Variants in SYT1 observed in about 807,000 individuals in gnomAD.
SYT1 encodes synaptotagmin 1, also known as synaptotagmin-1.
Under a neutral mutation model 44.8 loss-of-function variants are expected in SYT1, and 8 were observed. The observed-to-expected ratio is 0.18, with a 90% CI of 0.10 to 0.32. The LOEUF is 0.32. Among genes scored for constraint, SYT1 ranks in the 10% least tolerant of loss-of-function variants. The pLI, the probability that SYT1 is intolerant of heterozygous loss-of-function variation, is 1.00. For missense variants in SYT1, 286 were observed against 509.3 expected, an observed-to-expected ratio of 0.56 and a Z score of 4.22; for synonymous variants, 154 against 188.8, an observed-to-expected ratio of 0.82 and a Z score of 1.51.
At chr12:78,877,992 T>G (rs1874264729) in intron 1 of SYT1, among the ~76,000 whole-genome samples, 1 of 151,816 alleles carries the variant, frequency 6.6e-6, no homozygotes, top group South Asian at 2.1e-4. Context: ...TATAATCCAT[T>G]ATTTTTAAGT....
chr12:79,204,774 G>A (rs1353272961), intron 3 of SYT1, among the ~76,000 whole-genome samples: 1 of 104,374 alleles, frequency 9.6e-6, no homozygotes, highest in African/African-American at 3.8e-5. Context: ...TGCTCCTGTT[G>A]TAACTTTTTT....
intron 3 of SYT1, among the ~76,000 whole-genome samples, chr12:79,156,344 G>T (rs1870590430): frequency 6.6e-6 from 1 of 152,128 alleles, no homozygotes; most frequent in Non-Finnish European, 1.5e-5. Context: ...CTGTGTATGT[G>T]TGTAACCCTT....
intron 3 of SYT1, among the ~76,000 whole-genome samples, chr12:79,210,555 A>G (rs551015988): frequency 6.6e-6 from 1 of 152,314 alleles, no homozygotes; most frequent in African/African-American, 2.4e-5. Flanking sequence ...AATCTCATCC[A>G]GGTTGCTGCA....
intron 8 of SYT1, among the ~76,000 whole-genome samples, chr12:79,337,428 C>G (rs1882142242): frequency 6.6e-6 from 1 of 152,168 alleles, no homozygotes; most frequent in Admixed American, 6.6e-5. Flanking sequence ...TTGGATAGAA[C>G]AACATCCTAG....
At position 78,924,184 on chromosome 12, in the gene SYT1, C is replaced by T. The variant is rs1221824407; in HGVS notation, c.-216-53615C>T. Reference sequence around the variant, plus strand: ...TTTTGCAATGCATCATATCAGAAGGCCCATGGTATTCACTGCCCCATTATG... The same window carrying T: ...TTTTGCAATGCATCATATCAGAAGGTCCATGGTATTCACTGCCCCATTATG... On this transcript the variant is annotated intron_variant, in intron 1 of 10. Coordinates refer to ENST00000261205, the MANE Select transcript of SYT1 (RefSeq NM_005639.3). 2.6e-5 allele frequency among the ~76,000 whole-genome samples: 4 copies of T among 151,866 alleles called. No individual in the cohort carries two copies. The East Asian group carries it at 7.7e-4, about 29-fold the overall frequency.
intron 2 of SYT1, among the ~76,000 whole-genome samples, chr12:79,004,810 A>G (rs1338680729): frequency 6.6e-6 from 1 of 152,024 alleles, no homozygotes; most frequent in African/African-American, 2.4e-5. Flanking sequence ...AAAGTGATTC[A>G]GTAACTTGCC....
intron 3 of SYT1, among the ~76,000 whole-genome samples, chr12:79,092,581 A>T (rs139851189): frequency 1.6e-4 from 25 of 151,776 alleles, no homozygotes; most frequent in African/African-American, 6.0e-4. Flanking sequence ...ATAAAATCAT[A>T]ATCTTTCATT....
chr12:79,429,620 C>T (rs11114114), intron 9 of SYT1, among the ~76,000 whole-genome samples: 19,876 of 151,882 alleles, frequency 0.13, 1,344 homozygotes, highest in African/African-American at 0.15. Flanking sequence ...GCTCCGCCTC[C>T]CGGGTTCACG....
intron 4 of SYT1, among the ~76,000 whole-genome samples, chr12:79,251,536 TAAGTTGGTGGATG>T (rs1223181265): frequency 1.3e-5 from 2 of 152,026 alleles, no homozygotes; most frequent in Middle Eastern, 3.4e-3. Context: ...CCATAAAGAG[TAAGTTGGTGGATG>T]AAGTTGCACT....
intron 4 of SYT1, among the ~76,000 whole-genome samples, chr12:79,284,105 T>A (rs974601662): frequency 5.9e-4 from 89 of 152,060 alleles, no homozygotes; most frequent in Non-Finnish European, 1.3e-4. Flanking sequence ...ATCTTTTTTT[T>A]TTATTACAAC....
At chr12:78,897,671 C>G (rs1434567295) in intron 1 of SYT1, among the ~76,000 whole-genome samples, 1 of 152,052 alleles carries the variant, frequency 6.6e-6, no homozygotes, top group South Asian at 2.1e-4. Context: ...CAGGCAGAGC[C>G]TATGCTAGGG....
At chr12:79,099,350 A>G (rs1360252464) in intron 3 of SYT1, among the ~76,000 whole-genome samples, 1 of 152,194 alleles carries the variant, frequency 6.6e-6, no homozygotes. Flanking sequence ...TTATTTATTC[A>G]TTGCCACTGA....
intron 3 of SYT1, among the ~76,000 whole-genome samples, chr12:79,097,048 A>G (rs925605165): frequency 6.6e-6 from 1 of 152,006 alleles, no homozygotes; most frequent in African/African-American, 2.4e-5. Flanking sequence ...CTGAGGTTGA[A>G]TCAGGGCAGA....
chr12:79,390,155 G>T (rs561746930), intron 9 of SYT1, among the ~76,000 whole-genome samples: 170 of 151,938 alleles, frequency 1.1e-3, no homozygotes, highest in African/African-American at 4.0e-3. Flanking sequence ...GGATGGTCTC[G>T]ATCTCCTGAC....
At chr12:79,246,901 C>T (rs571945002) in intron 4 of SYT1, among the ~76,000 whole-genome samples, 1 of 152,152 alleles carries the variant, frequency 6.6e-6, no homozygotes, top group South Asian at 2.1e-4. Context: ...TTTTTATCAC[C>T]CTTGTCCAGC....
chr12:78,963,356 A>T (rs1879612074), intron 1 of SYT1, among the ~76,000 whole-genome samples: 1 of 152,172 alleles, frequency 6.6e-6, no homozygotes, highest in Non-Finnish European at 1.5e-5. Flanking sequence ...CTGCACAGTA[A>T]AGGAAACGAT....
At chr12:79,357,093 A>G (rs974622492) in intron 9 of SYT1, among the ~76,000 whole-genome samples, 1 of 152,240 alleles carries the variant, frequency 6.6e-6, no homozygotes, top group African/African-American at 2.4e-5. Context: ...ACATGAAAAC[A>G]TATGTAAAAT....
intron 3 of SYT1, among the ~76,000 whole-genome samples, chr12:79,176,132 A>G (rs1046986126): frequency 5.9e-5 from 9 of 151,856 alleles, no homozygotes; most frequent in Non-Finnish European, 8.8e-5. Flanking sequence ...CTCTACTAAA[A>G]ATACAAAATT....
chr12:79,219,387 A>G (rs1875014386), intron 4 of SYT1, among the ~76,000 whole-genome samples: 1 of 151,774 alleles, frequency 6.6e-6, no homozygotes, highest in Non-Finnish European at 1.5e-5. Context: ...TGCTTTTATT[A>G]CCTGTGCTTT....
Sources: gnomAD v4.1 joint callset for allele counts (sites outside exome capture counted in the v4.1 genomes callset) on GRCh38, gnomAD v4.1.1 for gene constraint, MANE v1.5 for transcripts, NCBI Gene and HGNC (gene_info 2026-07-23, HGNC 2026-07-21) for gene names.